COL22A1: variants seen among roughly 807,000 people sequenced by gnomAD.
COL22A1 encodes the protein collagen alpha-1(XXII) chain.
In COL22A1, 221 loss-of-function variants were observed where a neutral mutation model predicts 248.9. The observed-to-expected ratio is 0.89, with a 90% CI of 0.80 to 0.99. COL22A1 has a LOEUF of 0.99. Ranked by LOEUF, COL22A1 falls within the 50% of genes least tolerant of loss-of-function variation. The pLI, the probability that COL22A1 is intolerant of heterozygous loss-of-function variation, is 0.00. For missense variants in COL22A1, 2,240 were observed against 2,179.0 expected (o/e 1.03, Z -0.56); for synonymous variants, 891 against 793.4 (o/e 1.12, Z -2.07).
At chr8:138,663,766 A>G (rs1462912547) in intron 41 of COL22A1, 26 bp from the exon 42 acceptor site, 16 of 1,587,240 alleles carry the variant, frequency 1.0e-5, no homozygotes, top group Non-Finnish European at 1.4e-5. Context: ...CAAGTATGTA[A>G]GCAAAGTAGA....
intron 44 of COL22A1, among the ~76,000 whole-genome samples, chr8:138,657,977 A>G (rs1823444683): frequency 6.6e-6 from 1 of 152,030 alleles, no homozygotes; most frequent in Non-Finnish European, 1.5e-5. Context: ...TTCCCCTGTC[A>G]TGTCCTGCTT....
At chr8:138,734,665 C>A (rs534361718) in intron 23 of COL22A1, among the ~76,000 whole-genome samples, 1 of 152,296 alleles carries the variant, frequency 6.6e-6, no homozygotes, top group East Asian at 1.9e-4. Context: ...CCCAGCAATC[C>A]CATTACTGGG....
At chr8:138,674,235 A>G (rs886930327) in intron 41 of COL22A1, among the ~76,000 whole-genome samples, 2 of 152,176 alleles carry the variant, frequency 1.3e-5, no homozygotes, top group African/African-American at 4.8e-5. Flanking sequence ...GGATGCTTTG[A>G]GGCCCAGCAC....
chr8:138,601,394 G>A (rs1053583699), intron 60 of COL22A1, among the ~76,000 whole-genome samples: 48 of 152,082 alleles, frequency 3.2e-4, no homozygotes, highest in African/African-American at 1.0e-3. Context: ...GAAGAAAGCC[G>A]AGATAAATTC....
At chr8:138,737,144 C>G (rs1023465690) in intron 23 of COL22A1, among the ~76,000 whole-genome samples, 1 of 152,240 alleles carries the variant, frequency 6.6e-6, no homozygotes, top group Admixed American at 6.5e-5. Flanking sequence ...TCCCTCCGCT[C>G]ATTCCAGCCT....
At chr8:138,836,531 C>G (rs1355540482) in intron 4 of COL22A1, among the ~76,000 whole-genome samples, 1 of 152,176 alleles carries the variant, frequency 6.6e-6, no homozygotes, top group Non-Finnish European at 1.5e-5. Flanking sequence ...GGTCCCTCAC[C>G]TTGAATGAGA....
intron 6 of COL22A1, among the ~76,000 whole-genome samples, chr8:138,824,940 T>C (rs905448856): frequency 5.9e-5 from 9 of 152,156 alleles, no homozygotes; most frequent in Non-Finnish European, 5.9e-5. Context: ...TGGTATTTCA[T>C]CCCATTACTC....
intron 11 of COL22A1, among the ~76,000 whole-genome samples, chr8:138,798,387 C>G (rs1465491557): frequency 6.6e-6 from 1 of 151,766 alleles, no homozygotes; most frequent in Non-Finnish European, 1.5e-5. Context: ...TGAGTACTTT[C>G]TAGTGTAACA....
At chr8:138,601,972 A>G (rs1818054082) in intron 60 of COL22A1, 143 bp downstream of exon 60, 2 of 778,032 alleles carry the variant, frequency 2.6e-6, no homozygotes, top group Admixed American at 4.4e-5. Context: ...TCATCCAGGA[A>G]AAAGTGAACA....
At chr8:138,869,257 T>C (rs761928202) in intron 3 of COL22A1, among the ~76,000 whole-genome samples, 7 of 152,220 alleles carry the variant, frequency 4.6e-5, no homozygotes, top group Admixed American at 4.6e-4. Context: ...TGGAGCTCAG[T>C]ATAAGAAAGT....
At chr8:138,698,993 C>T (rs535043607) in intron 32 of COL22A1, among the ~76,000 whole-genome samples, 9 of 152,188 alleles carry the variant, frequency 5.9e-5, no homozygotes, top group Non-Finnish European at 1.3e-4. Context: ...TAGGTCTCAG[C>T]GAAGAAACAT....
intron 3 of COL22A1, among the ~76,000 whole-genome samples, chr8:138,859,660 A>ACC (rs35933359): frequency 1.3e-5 from 2 of 151,394 alleles, no homozygotes; most frequent in African/African-American, 4.9e-5. Flanking sequence ...GGGTGGCGCC[A>ACC]CCCCCCCACA....
rs746255639 is a variant in COL22A1 at position 138,821,232 on chromosome 8, C to T, written c.1149G>A (p.Ala383=). The part of the protein sequence containing the change: ...AQNVSLHIDC[A]LVQTLPIEER... ...CCTCGATGGGTAGTGTCTGCACCAG[C>T]GCACAGTCAATGTGCAGGGAGACGT... is the stretch of plus-strand genomic sequence containing the variant. The change falls in exon 7 of 65, where the codon GCG becomes GCA. Residue 383 remains alanine (A), a synonymous_variant. Coordinates refer to ENST00000303045, the MANE Select transcript of COL22A1 (RefSeq NM_152888.3). The T allele has an allele frequency of 1.9e-5, 31 of 1,614,166 alleles. No homozygotes were observed. Among genetic ancestry groups the T allele is most frequent in the South Asian group, 5.5e-5 (5 of 91,070 alleles).
intron 5 of COL22A1, among the ~76,000 whole-genome samples, chr8:138,832,572 C>T (rs1364573738): frequency 1.3e-5 from 2 of 152,072 alleles, no homozygotes; most frequent in South Asian, 2.1e-4. Context: ...ATGAGAAACT[C>T]GAGGCACAAG....
intron 1 of COL22A1, among the ~76,000 whole-genome samples, chr8:138,895,640 G>GA (rs1243537521): frequency 1.3e-5 from 2 of 151,828 alleles, no homozygotes; most frequent in East Asian, 1.9e-4. Flanking sequence ...AAACAGACTG[G>GA]AAAAAAAAGT....
At position 138,755,461 on chromosome 8, in the gene COL22A1, G is replaced by GA. The variant is rs1372623671; in HGVS notation, c.1977+20dup. 4 of 1,609,352 alleles carry GA rather than the reference G, an allele frequency of 2.5e-6. No homozygotes were observed. The East Asian group carries it at 8.9e-5, about 36-fold the overall frequency. ...GCTGTGACCTAAATCCCCATGAGAAGAAGACGCGTGTGCCTCTTACCTGTT... is the reference window on the plus strand; with the variant it reads ...GCTGTGACCTAAATCCCCATGAGAAGAAAGACGCGTGTGCCTCTTACCTGTT... On this transcript the variant is annotated intron_variant, in intron 20 of 64. Coordinates refer to ENST00000303045, the MANE Select transcript of COL22A1 (RefSeq NM_152888.3).
chr8:138,674,605 G>A (rs1825353566), intron 41 of COL22A1, among the ~76,000 whole-genome samples: 1 of 152,188 alleles, frequency 6.6e-6, no homozygotes, highest in South Asian at 2.1e-4. Context: ...TTTCATGGGT[G>A]ATTTTTGCTG....
intron 49 of COL22A1, among the ~76,000 whole-genome samples, chr8:138,631,310 C>A (rs1009315810): frequency 2.0e-5 from 3 of 152,158 alleles, no homozygotes; most frequent in Non-Finnish European, 4.4e-5. Context: ...TGTGCTTCTG[C>A]CTCTTCATCA....
chr8:138,589,422 C>A lies in COL22A1; in HGVS notation c.4712G>T (p.Gly1571Val). 1.3e-6 allele frequency: 2 copies of A among 1,569,378 alleles called. No individual in the cohort carries two copies. The highest frequency in any genetic ancestry group is 1.2e-5 in the South Asian group (1 of 85,932). Residue 1571 changes from glycine (G) to valine (V), a missense_variant, in exon 65 of 65, where the codon GGC becomes GTC. By Grantham distance (109) the Gly-to-Val change is moderately radical. Transcript: ENST00000303045. ...CCCAGGAAGTCCATCTTTAGCATAG[C>A]CAGGTTCCCCGGGTTGACCTGGCCC... Reference protein sequence around the residue: ...PGIPGQPGEPGYAKDGLPGIP... With the variant: ...PGIPGQPGEPVYAKDGLPGIP...
Sources: allele counts gnomAD v4.1 joint callset (sites outside exome capture counted in the v4.1 genomes callset), GRCh38; gene constraint gnomAD v4.1.1; transcripts MANE v1.5; gene names NCBI Gene and HGNC (gene_info 2026-07-23, HGNC 2026-07-21).